The following TPR variants were observed in gnomAD, a reference collection of about 807,000 sequenced individuals.
The protein encoded by TPR is translocated promoter region, nuclear basket protein.
Under a neutral mutation model 316.1 loss-of-function variants are expected in TPR, and 51 were observed. That is an observed-to-expected ratio of 0.16 (90% CI 0.13 to 0.20). The LOEUF (loss-of-function observed/expected upper bound fraction) is 0.20. Ranked by LOEUF, TPR falls within the 10% of genes least tolerant of loss-of-function variation. TPR has a pLI of 1.00. For missense variants in TPR, 2,272 were observed against 2,754.8 expected (o/e 0.82, Z 3.92); for synonymous variants, 981 against 914.7 (o/e 1.07, Z -1.31).
At chr1:186,361,576 AGAGTAC>A in intron 9 of TPR, 40 bp downstream of exon 9, 1 of 1,567,850 alleles carries the variant, frequency 6.4e-7, no homozygotes, top group South Asian at 1.1e-5. Context: ...AAAAAAAAAA[AGAGTAC>A]AATAACAAAA....
chr1:186,348,035 G>A (rs1037670895), intron 21 of TPR, among the ~76,000 whole-genome samples: 31 of 152,098 alleles, frequency 2.0e-4, no homozygotes, highest in Non-Finnish European at 3.4e-4. Flanking sequence ...TGAAATCAGT[G>A]CACCTTGAAA....
At position 186,322,510 on chromosome 1, in the gene TPR, G is replaced by A; in HGVS notation, c.6366+8C>T. On this transcript the variant is annotated splice_region_variant and intron_variant, in intron 44 of 50. Coordinates refer to ENST00000367478, the MANE Select transcript of TPR (RefSeq NM_003292.3). ...TGAATTACTTTTACATAATGGGTAA[G>A]TACTTACCATGCCACCTATTCCTGG... 3 of 1,613,990 alleles carry A rather than the reference G, an allele frequency of 1.9e-6. No homozygotes were observed. Among genetic ancestry groups the A allele is most frequent in the Non-Finnish European group, 2.5e-6 (3 of 1,179,890 alleles).
At chr1:186,339,015 T>C (rs1189697096) in intron 30 of TPR, among the ~76,000 whole-genome samples, 3 of 152,222 alleles carry the variant, frequency 2.0e-5, no homozygotes, top group African/African-American at 4.8e-5. Flanking sequence ...GACCATGATA[T>C]GGACAAATTA....
At chr1:186,314,056 A>G (rs1657481626) in intron 50 of TPR, 30 bp from the exon 51 acceptor site, 1 of 1,595,788 alleles carries the variant, frequency 6.3e-7, no homozygotes, top group South Asian at 1.1e-5. Context: ...CAAATTGAAT[A>G]TATCTTTTAA....
At chr1:186,370,833 A>G in intron 3 of TPR, 137 bp downstream of exon 3, 3 of 618,360 alleles carry the variant, frequency 4.9e-6, no homozygotes, top group Non-Finnish European at 8.3e-6. Context: ...TTATATTTAC[A>G]TATTTTTGTT....
intron 40 of TPR, among the ~76,000 whole-genome samples, chr1:186,326,535 G>C (rs1657937279): frequency 6.6e-6 from 1 of 151,990 alleles, no homozygotes; most frequent in South Asian, 2.1e-4. Flanking sequence ...AATTTAAACA[G>C]GTGGAGTTGA....
At chr1:186,360,480 T>C in intron 10 of TPR, 116 bp from the exon 11 acceptor site, 1 of 1,116,744 alleles carries the variant, frequency 9.0e-7, no homozygotes, top group African/African-American at 1.6e-5. Context: ...CCTATAAAAA[T>C]TTTAAATACA....
chr1:186,371,403 C>A lies in TPR; in HGVS notation c.257-360G>T, dbSNP rs183994712. On this transcript the variant is annotated intron_variant, in intron 2 of 50. Transcript: ENST00000367478. ...CAGTAAGAAAATGGAGTTAAAAAGACAGGATCAAGAGAGAAAAAGCATTTA... is the reference window on the plus strand; with the variant it reads ...CAGTAAGAAAATGGAGTTAAAAAGAAAGGATCAAGAGAGAAAAAGCATTTA... 1.2e-3 allele frequency among the ~76,000 whole-genome samples: 183 copies of A among 152,214 alleles called. 1 individual carries two copies. Among genetic ancestry groups the A allele is most frequent in the African/African-American group, 4.2e-3 (174 of 41,552 alleles).
At position 186,358,193 on chromosome 1, in the gene TPR, T is replaced by C. The variant is rs561876347; in HGVS notation, c.1497+350A>G. 1.1e-4 allele frequency among the ~76,000 whole-genome samples: 16 copies of C among 152,310 alleles called. No individual in the cohort carries two copies. The East Asian group carries it at 2.3e-3, about 22-fold the overall frequency. ...ATATGTTTATATATGCTCATGTATA[T>C]ACACATACAGAGAAGGATGTGAAAA... On this transcript the variant is annotated intron_variant, in intron 13 of 50. Coordinates refer to ENST00000367478, the MANE Select transcript of TPR (RefSeq NM_003292.3).
intron 42 of TPR, 111 bp from the exon 43 acceptor site, chr1:186,323,981 T>G: frequency 8.7e-7 from 1 of 1,147,532 alleles, no homozygotes; most frequent in South Asian, 1.6e-5. Context: ...GTACGAATAT[T>G]TTCAGAAGTA....
chr1:186,362,280 A>G lies in TPR; in HGVS notation c.789+8T>C, dbSNP rs1558033963. 2 of 1,603,682 alleles carry G rather than the reference A, an allele frequency of 1.2e-6. No individual in the cohort carries two copies. The highest frequency in any genetic ancestry group is 1.7e-6 in the Non-Finnish European group (2 of 1,172,580). ...TTGTAAAAAAGACATTTTAATGGTC[A>G]TATATACCTCTTTTAATTTGGTCAA... is the stretch of plus-strand genomic sequence containing the variant. On this transcript the variant is annotated splice_region_variant and intron_variant, in intron 7 of 50. Transcript: ENST00000367478.
At chr1:186,371,297 C>T (rs989066121) in intron 2 of TPR, among the ~76,000 whole-genome samples, 2 of 152,150 alleles carry the variant, frequency 1.3e-5, no homozygotes, top group African/African-American at 4.8e-5. Context: ...GGGAAAGTCA[C>T]ATGCAATTAG....
intron 17 of TPR, among the ~76,000 whole-genome samples, chr1:186,355,066 A>C (rs1214569954): frequency 6.6e-6 from 1 of 151,964 alleles, no homozygotes; most frequent in Non-Finnish European, 1.5e-5. Flanking sequence ...ACTGCCGCTC[A>C]GCTAATTTTT....
At chr1:186,349,795 A>G (rs1377899218) in intron 21 of TPR, among the ~76,000 whole-genome samples, 1 of 152,212 alleles carries the variant, frequency 6.6e-6, no homozygotes, top group Non-Finnish European at 1.5e-5. Flanking sequence ...TGAGGCTACC[A>G]ACGAGCAAAT....
intron 17 of TPR, among the ~76,000 whole-genome samples, chr1:186,354,217 T>C (rs1658955585): frequency 6.6e-6 from 1 of 152,186 alleles, no homozygotes; most frequent in Non-Finnish European, 1.5e-5. Context: ...CCTTCATTCT[T>C]TTTTCCCAAT....
In TPR at chr1:186,318,527, G is replaced by T. The variant is rs1657678326; in HGVS notation, c.6741C>A (p.Ser2247=). 6.2e-7 allele frequency: 1 copy of T among 1,614,048 alleles called. No individual in the cohort carries two copies. Among genetic ancestry groups the T allele is most frequent in the South Asian group, 1.1e-5 (1 of 91,082 alleles). Residue 2247 remains serine, a synonymous_variant, in exon 48 of 51, where the codon TCC becomes TCA. Coordinates refer to ENST00000367478, the MANE Select transcript of TPR (RefSeq NM_003292.3). ...CATTTGTTGTAGATAAAGTGCCAGT[G>T]GATGTAGTCACCATTGGAACAGATT... ...ASQSVPMVTT[S]TGTLSTTNET... is the part of the protein sequence containing the mutation.
chr1:186,361,834 G>A lies in TPR; in HGVS notation c.825C>T (p.Phe275=), dbSNP rs1199395242. The A allele has an allele frequency of 3.7e-6, 6 of 1,612,804 alleles. No individual in the cohort carries two copies. Residue 275 remains phenylalanine, a synonymous_variant, in exon 8 of 51, where the codon TTC becomes TTT. Transcript: ENST00000367478. ...TTATGTGGGCATTTAATTCATTGTGGAATTTCTCTTCCATACTGGCCTGTT... is the reference window on the plus strand; with the variant it reads ...TTATGTGGGCATTTAATTCATTGTGAAATTTCTCTTCCATACTGGCCTGTT... ...KEQQASMEEK[F]HNELNAHIKL...
At chr1:186,351,575 T>C (rs1439448734) in intron 19 of TPR, 105 bp from the exon 20 acceptor site, 3 of 1,236,618 alleles carry the variant, frequency 2.4e-6, no homozygotes, top group Non-Finnish European at 3.2e-6. Flanking sequence ...CATTTCTACA[T>C]GAAGCAGCTA....
chr1:186,343,823 A>G, intron 26 of TPR, 83 bp downstream of exon 26: 4 of 1,198,344 alleles, frequency 3.3e-6, no homozygotes, highest in Non-Finnish European at 3.5e-6. Flanking sequence ...ATCGTGTATA[A>G]TCTCCTTCTC....
Sources: allele counts gnomAD v4.1 joint callset (sites outside exome capture counted in the v4.1 genomes callset), GRCh38; gene constraint gnomAD v4.1.1; transcripts MANE v1.5; gene names NCBI Gene and HGNC (gene_info 2026-07-23, HGNC 2026-07-21).